The following LIPK variants were observed in gnomAD, a reference collection of about 807,000 sequenced individuals.
LIPK encodes lipase family member K, also known as lipase member K.
Under a neutral mutation model 48.6 loss-of-function variants are expected in LIPK, and 32 were observed. That is an observed-to-expected ratio of 0.66 (90% CI 0.50 to 0.88). The LOEUF is 0.88. Ranked by LOEUF, LIPK falls within the 40% of genes least tolerant of loss-of-function variation. LIPK has a pLI of 0.00. For synonymous variants in LIPK, 164 were observed against 157.4 expected (o/e 1.04, Z -0.32); for missense variants, 507 against 478.5 (o/e 1.06, Z -0.56).
intron 7 of LIPK, 84 bp downstream of exon 7, chr10:88,737,865 G>T: frequency 7.1e-7 from 1 of 1,413,734 alleles, no homozygotes; most frequent in Non-Finnish European, 9.8e-7. Context: ...TATGGCAACT[G>T]CAATTCAAGG....
intron 9 of LIPK, among the ~76,000 whole-genome samples, chr10:88,752,286 G>A (rs1177476622): frequency 6.6e-5 from 10 of 152,096 alleles, no homozygotes; most frequent in African/African-American, 2.2e-4. Context: ...TTTCCCAAAC[G>A]TGCAAGTCAG....
intron 1 of LIPK, among the ~76,000 whole-genome samples, chr10:88,707,395 G>C (rs1841955234): frequency 6.6e-6 from 1 of 151,998 alleles, no homozygotes. Flanking sequence ...TTCCTTCACT[G>C]CTCTTCCTTT....
At chr10:88,728,111 G>C (rs925627693) in intron 3 of LIPK, 1 of 278,142 alleles carries the variant, frequency 3.6e-6, no homozygotes, top group African/African-American at 2.2e-5. Context: ...TCATCAAGAA[G>C]GATGTGGTTA....
At chr10:88,741,054 C>T (rs1007113244) in intron 8 of LIPK, among the ~76,000 whole-genome samples, 3 of 152,164 alleles carry the variant, frequency 2.0e-5, no homozygotes, top group Admixed American at 1.3e-4. Flanking sequence ...AGGTACTACA[C>T]ATTTAACTTC....
chr10:88,732,513 AT>A lies in LIPK; in HGVS notation c.632del (p.Met211ArgfsTer4). ...CACAGTTAAATACACCCAAAGTCCT[AT>A]GAAAAAACTAACAACCCTTTCCAGG... is the stretch of plus-strand genomic sequence containing the variant. ...VVTVKYTQSP[M>X]KKLTTLSRRV... is the part of the protein sequence containing the mutation. On this transcript the variant is annotated frameshift_variant, in exon 6 of 10. Coordinates refer to ENST00000404190, the MANE Select transcript of LIPK (RefSeq NM_001080518.2). LOFTEE classifies it high-confidence loss of function. 6.2e-7 allele frequency: 1 copy of A among 1,612,220 alleles called. No individual in the cohort carries two copies. The highest frequency in any genetic ancestry group is 8.5e-7 in the Non-Finnish European group (1 of 1,179,436).
chr10:88,736,936 A>G (rs1842584288), intron 6 of LIPK, among the ~76,000 whole-genome samples: 1 of 152,220 alleles, frequency 6.6e-6, no homozygotes, highest in African/African-American at 2.4e-5. Context: ...TTAAGAACTA[A>G]AAAATGTCTT....
chr10:88,748,161 G>T (rs1590163215), intron 9 of LIPK, among the ~76,000 whole-genome samples: 2 of 152,208 alleles, frequency 1.3e-5, no homozygotes, highest in South Asian at 4.2e-4. Context: ...AACTAACACA[G>T]GAACAGAATA....
At chr10:88,742,997 G>C (rs1048059769) in intron 8 of LIPK, among the ~76,000 whole-genome samples, 2 of 152,086 alleles carry the variant, frequency 1.3e-5, no homozygotes, top group Non-Finnish European at 2.9e-5. Context: ...ACATTTAAAG[G>C]CATTGGATTT....
intron 1 of LIPK, among the ~76,000 whole-genome samples, chr10:88,716,356 C>CT (rs11374780): frequency 0.066 from 7,923 of 120,222 alleles, 594 homozygotes; most frequent in South Asian, 0.16. Flanking sequence ...AGGAAAATTT[C>CT]TTTTTTTTTT....
At chr10:88,715,437 T>C (rs944983684) in intron 1 of LIPK, among the ~76,000 whole-genome samples, 2 of 152,278 alleles carry the variant, frequency 1.3e-5, no homozygotes, top group South Asian at 4.1e-4. Context: ...TGAAGCCTAC[T>C]TTGTCTGTTA....
chr10:88,716,706 G>A (rs1299200876), intron 1 of LIPK, among the ~76,000 whole-genome samples: 1 of 152,092 alleles, frequency 6.6e-6, no homozygotes, highest in East Asian at 1.9e-4. Context: ...GGAGGATACA[G>A]ATTCTGGAAT....
intron 1 of LIPK, 48 bp from the exon 2 acceptor site, chr10:88,724,485 T>C: frequency 8.8e-7 from 1 of 1,137,650 alleles, no homozygotes; most frequent in Non-Finnish European, 1.3e-6. Context: ...AAATTTCACT[T>C]CGTAGAATTT....
rs923960140 is a variant in LIPK, at chr10:88,731,052, C to G, written c.293C>G (p.Pro98Arg). 1.2e-6 allele frequency: 2 copies of G among 1,601,212 alleles called. No homozygotes were observed. The highest frequency in any genetic ancestry group is 2.3e-5 in the South Asian group (2 of 88,302). The change falls in exon 4 of 10, where the codon CCC (proline) becomes CGC (arginine). Residue 98 changes from proline (P) to arginine (R), a missense_variant. Pro to Arg is a moderately radical substitution (Grantham distance 103). Coordinates refer to ENST00000404190, the MANE Select transcript of LIPK (RefSeq NM_001080518.2). Reference sequence around the variant, plus strand: ...GCCAGTAACTGGATTTGCAACCTGCCCAACAACAGTTTGGCTTTCCTTCTG... The same window carrying G: ...GCCAGTAACTGGATTTGCAACCTGCGCAACAACAGTTTGGCTTTCCTTCTG... ...ASASNWICNL[P>R]NNSLAFLLAD...
At chr10:88,727,939 A>G (rs1842377956) in intron 3 of LIPK, 2 of 368,232 alleles carry the variant, frequency 5.4e-6, no homozygotes, top group African/African-American at 4.3e-5. Context: ...CGTGGACAAC[A>G]TGGAGAGCTG....
chr10:88,744,541 G>A (rs187496922), intron 9 of LIPK, among the ~76,000 whole-genome samples: 175 of 152,282 alleles, frequency 1.1e-3, no homozygotes, highest in African/African-American at 4.0e-3. Context: ...GTACCCTGAA[G>A]TCATCCAGAA....
At chr10:88,752,211 C>A (rs976762818) in intron 9 of LIPK, among the ~76,000 whole-genome samples, 1 of 152,130 alleles carries the variant, frequency 6.6e-6, no homozygotes, top group Non-Finnish European at 1.5e-5. Flanking sequence ...ATTCTGAGAT[C>A]AAATGCTAAC....
At chr10:88,723,634 AAATAAT>A (rs1394401346) in intron 1 of LIPK, among the ~76,000 whole-genome samples, 1 of 152,178 alleles carries the variant, frequency 6.6e-6, no homozygotes, top group Non-Finnish European at 1.5e-5. Flanking sequence ...AAAAAAGTTT[AAATAAT>A]AATGTTTTTC....
chr10:88,752,533 A>G lies in LIPK; in HGVS notation c.977A>G (p.Tyr326Cys). The G allele has an allele frequency of 6.4e-7, 1 of 1,551,288 alleles. No individual in the cohort carries two copies. The highest frequency in any genetic ancestry group is 1.2e-5 in the South Asian group (1 of 84,478). Residue 326 changes from tyrosine to cysteine, a missense_variant, in exon 10 of 10, where the codon TAC becomes TGC. By Grantham distance (194) the Tyr-to-Cys change is radical (BLOSUM62 -2). Transcript: ENST00000404190. Reference sequence around the variant, plus strand: ...TGTATTTAGCTTACACCTCCTTTATACAACATTACTAAGATGGAAGTTCCA... The same window carrying G: ...TGTATTTAGCTTACACCTCCTTTATGCAACATTACTAAGATGGAAGTTCCA... ...MHFHQLTPPL[Y>C]NITKMEVPTA...
At chr10:88,730,102 T>C (rs1255836667) in intron 3 of LIPK, among the ~76,000 whole-genome samples, 1 of 152,224 alleles carries the variant, frequency 6.6e-6, no homozygotes, top group Non-Finnish European at 1.5e-5. Flanking sequence ...AAGCAGTGCC[T>C]ATAAAACTTA....
Sources: gnomAD v4.1 joint callset for allele counts (sites outside exome capture counted in the v4.1 genomes callset) on GRCh38, gnomAD v4.1.1 for gene constraint, MANE v1.5 for transcripts, NCBI Gene and HGNC (gene_info 2026-07-23, HGNC 2026-07-21) for gene names.